The following KMT5B variants were observed in gnomAD, a reference collection of about 807,000 sequenced individuals.
KMT5B encodes lysine methyltransferase 5B, also known as histone-lysine N-methyltransferase KMT5B.
KMT5B carries 10 observed loss-of-function variants against 83.2 expected under a neutral mutation model. That is an observed-to-expected ratio of 0.12 (90% CI 0.07 to 0.20). KMT5B has a LOEUF of 0.20. KMT5B is among the 10% of genes least tolerant of loss of function. The pLI, the probability that KMT5B is intolerant of heterozygous loss-of-function variation, is 1.00. For synonymous variants in KMT5B, 349 were observed against 388.8 expected (o/e 0.90, Z 1.20); for missense variants, 753 against 1,067.2 (o/e 0.71, Z 4.10).
intron 1 of KMT5B, among the ~76,000 whole-genome samples, chr11:68,200,768 A>T (rs768538792): frequency 6.6e-6 from 1 of 152,358 alleles, no homozygotes; most frequent in Non-Finnish European, 1.5e-5. Flanking sequence ...ACGAAGTGGA[A>T]TTCCTGAGGA....
intron 1 of KMT5B, among the ~76,000 whole-genome samples, chr11:68,201,679 T>C (rs112074157): frequency 2.0e-3 from 299 of 152,070 alleles, no homozygotes; most frequent in African/African-American, 3.2e-3. Context: ...CTCTAGCCAG[T>C]TGACATGCTG....
chr11:68,173,310 G>C (rs1434327515), intron 6 of KMT5B, among the ~76,000 whole-genome samples: 1 of 152,032 alleles, frequency 6.6e-6, no homozygotes, highest in Non-Finnish European at 1.5e-5. Context: ...CAAAGTGCTG[G>C]GATTATAGGC....
chr11:68,157,702 T>G lies in KMT5B; in HGVS notation c.2644A>C (p.Arg882=). Residue 882 remains arginine (R), a synonymous_variant, in exon 11 of 11, where the codon AGG becomes CGG. Transcript: ENST00000304363. Reference sequence around the variant, plus strand: ...AGACCAAGAGCTTAGGCATTAAGCCTTAAAGACTGATCTTCTCTTCTCCTT... The same window carrying G: ...AGACCAAGAGCTTAGGCATTAAGCCGTAAAGACTGATCTTCTCTTCTCCTT... ...SSRRREDQSL[R]LNA 1 of 1,583,566 alleles carries G rather than the reference T, an allele frequency of 6.3e-7. No individual in the cohort carries two copies. Among genetic ancestry groups the G allele is most frequent in the East Asian group, 2.2e-5 (1 of 44,548 alleles).
At chr11:68,207,872 C>T (rs993657358) in intron 1 of KMT5B, among the ~76,000 whole-genome samples, 8 of 150,628 alleles carry the variant, frequency 5.3e-5, no homozygotes, top group African/African-American at 1.9e-4. Flanking sequence ...CGCTGTCTCG[C>T]TCTATTGCCC....
In KMT5B at chr11:68,180,146, G is replaced by C; in HGVS notation, c.363C>G (p.His121Gln). Residue 121 changes from histidine (H) to glutamine (Q), a missense_variant, in exon 4 of 11, where the codon CAC (histidine) becomes CAG (glutamine). Transcript: ENST00000304363. ...ACACTACCTACCTCACAGGGTTGTT[G>C]TGAGAAAAACTGTCAGATTTTGAAA... ...RHFSKSDSFSHNNPVRFRPIK... is the reference protein window; with the variant it reads ...RHFSKSDSFSQNNPVRFRPIK... The C allele has an allele frequency of 6.3e-7, 1 of 1,582,208 alleles. No individual in the cohort carries two copies. Among genetic ancestry groups the C allele is most frequent in the Non-Finnish European group, 8.7e-7 (1 of 1,155,758 alleles).
rs1284201276 is a variant in KMT5B at position 68,174,282 on chromosome 11, T to A, written c.544-369A>T. ...CAAACTTTATTGTTACTCAAGAGTT[T>A]TGAATGTCACAATTTTTCTCATTTT... On this transcript the variant is annotated intron_variant, in intron 5 of 10. Coordinates refer to ENST00000304363, the MANE Select transcript of KMT5B (RefSeq NM_017635.5). 9.0e-6 allele frequency: 3 copies of A among 333,308 alleles called. No individual in the cohort carries two copies. The East Asian group carries it at 2.8e-4, about 31-fold the overall frequency. The allele number at this position is 333,308 out of a possible 1,614,324, so 20.6% of individuals were successfully genotyped here. A position where few individuals can be genotyped will look rare whatever the true frequency, so the allele number is the denominator to read the frequency against.
intron 1 of KMT5B, among the ~76,000 whole-genome samples, chr11:68,197,558 A>AGCT (rs1441926386): frequency 6.6e-6 from 1 of 152,206 alleles, no homozygotes; most frequent in Admixed American, 6.5e-5. Context: ...AGTAATAGCA[A>AGCT]ACTTTGGTTC....
chr11:68,177,117 T>A (rs1001855456), intron 4 of KMT5B, among the ~76,000 whole-genome samples: 7 of 152,180 alleles, frequency 4.6e-5, no homozygotes, highest in African/African-American at 1.7e-4. Flanking sequence ...TGAAGTGCTA[T>A]GGTGAAAAAT....
chr11:68,203,226 G>A (rs1859676615), intron 1 of KMT5B, among the ~76,000 whole-genome samples: 1 of 152,068 alleles, frequency 6.6e-6, no homozygotes, highest in African/African-American at 2.4e-5. Flanking sequence ...TGCCTGCCTC[G>A]GCCTCCCAAA....
Position 68,158,839 on chromosome 11 carries a change from C to T in KMT5B, c.1507G>A (p.Ala503Thr), listed in dbSNP as rs550206217. The change falls in exon 11 of 11, where the codon GCA (alanine) becomes ACA (threonine). Residue 503 changes from alanine to threonine, a missense_variant. Ala to Thr is a moderately conservative substitution (Grantham distance 58). Transcript: ENST00000304363. ...DKEPEGPAQA[A>T]VASGCLTRHA... Reference sequence around the variant, plus strand: ...CTAGTCAAGCACCCGCTGGCAACTGCGGCTTGGGCTGGTCCCTCTGGCTCC... The same window carrying T: ...CTAGTCAAGCACCCGCTGGCAACTGTGGCTTGGGCTGGTCCCTCTGGCTCC... 6.2e-5 allele frequency: 100 copies of T among 1,614,138 alleles called. 1 individual carries two copies. Among genetic ancestry groups the T allele is most frequent in the Middle Eastern group, 3.3e-4 (2 of 6,054 alleles).
intron 2 of KMT5B, among the ~76,000 whole-genome samples, chr11:68,186,264 T>C (rs960800515): frequency 7.2e-5 from 11 of 152,190 alleles, no homozygotes; most frequent in Non-Finnish European, 1.0e-4. Context: ...TGTTCACTAT[T>C]TTAACAAGAC....
chr11:68,208,809 C>T (rs896062719), intron 1 of KMT5B, among the ~76,000 whole-genome samples: 8 of 152,158 alleles, frequency 5.3e-5, no homozygotes, highest in Admixed American at 3.3e-4. Flanking sequence ...TGGGATTATG[C>T]CACTGCTCTC....
At chr11:68,205,430 C>T (rs1332590695) in intron 1 of KMT5B, among the ~76,000 whole-genome samples, 4 of 152,188 alleles carry the variant, frequency 2.6e-5, no homozygotes, top group Non-Finnish European at 2.9e-5. Flanking sequence ...CTCTTAATTA[C>T]ACCTCTGATT....
chr11:68,172,192 G>C (rs895263695), intron 6 of KMT5B, among the ~76,000 whole-genome samples: 1 of 152,122 alleles, frequency 6.6e-6, no homozygotes, highest in Non-Finnish European at 1.5e-5. Context: ...GCCACATTGA[G>C]AAAGTTAAGT....
chr11:68,182,659 G>A (rs1050096811), intron 3 of KMT5B, among the ~76,000 whole-genome samples: 1 of 151,600 alleles, frequency 6.6e-6, no homozygotes, highest in East Asian at 2.0e-4. Context: ...CCAGTAACAG[G>A]CAGCCTTCTG....
chr11:68,192,219 TAAC>T (rs1402354740), intron 1 of KMT5B, among the ~76,000 whole-genome samples: 1 of 152,216 alleles, frequency 6.6e-6, no homozygotes, highest in Non-Finnish European at 1.5e-5. Flanking sequence ...ATCTGCACGA[TAAC>T]AAAATCACCT....
Position 68,158,112 on chromosome 11 carries a change from A to G in KMT5B, c.2234T>C (p.Ile745Thr). The stretch of plus-strand genomic sequence containing the variant: ...GTTGTCATGGTCTTTGCTTAACTTG[A>G]TGCTTATTTTGGAAGAGTTCATTCC... ...NDGMNSSKIS[I>T]KLSKDHDNDN... The change falls in exon 11 of 11, where the codon ATC becomes ACC. Residue 745 changes from isoleucine (I) to threonine (T), a missense_variant. Ile to Thr is a moderately conservative substitution (Grantham distance 89, BLOSUM62 -1). Coordinates refer to ENST00000304363, the MANE Select transcript of KMT5B (RefSeq NM_017635.5). 2 of 1,614,110 alleles carry G rather than the reference A, an allele frequency of 1.2e-6. No individual in the cohort carries two copies. The highest frequency in any genetic ancestry group is 1.7e-6 in the Non-Finnish European group (2 of 1,180,036).
intron 1 of KMT5B, among the ~76,000 whole-genome samples, chr11:68,192,862 T>C (rs1364884674): frequency 6.6e-6 from 1 of 152,254 alleles, no homozygotes. Context: ...GTCTACCTTA[T>C]CATTCCTTCA....
chr11:68,191,470 A>G (rs1159496339), intron 1 of KMT5B, among the ~76,000 whole-genome samples: 1 of 152,004 alleles, frequency 6.6e-6, no homozygotes, highest in East Asian at 1.9e-4. Context: ...AGTAGGTGGG[A>G]TTACAGGCGT....
Sources: allele counts gnomAD v4.1 joint callset (sites outside exome capture counted in the v4.1 genomes callset), GRCh38; gene constraint gnomAD v4.1.1; transcripts MANE v1.5; gene names NCBI Gene and HGNC (gene_info 2026-07-23, HGNC 2026-07-21).